TRIM21: variants seen among roughly 807,000 people sequenced by gnomAD.
TRIM21 encodes the protein tripartite motif containing 21.
In TRIM21, 35 loss-of-function variants were observed where a neutral mutation model predicts 36.1. The observed-to-expected ratio is 0.97, with a 90% CI of 0.74 to 1.28. TRIM21 has a LOEUF of 1.28. Ranked by LOEUF, TRIM21 falls within the 50% of genes most tolerant of loss-of-function variation. The pLI, the probability that TRIM21 is intolerant of heterozygous loss-of-function variation, is 0.00. For missense variants in TRIM21, 635 were observed against 570.7 expected, an observed-to-expected ratio of 1.11 and a Z score of -1.15; for synonymous variants, 256 against 211.5, an observed-to-expected ratio of 1.21 and a Z score of -1.83.
chr11:4,387,624 G>T (rs1430518214), intron 4 of TRIM21, among the ~76,000 whole-genome samples: 1 of 152,154 alleles, frequency 6.6e-6, no homozygotes, highest in Non-Finnish European at 1.5e-5. Context: ...GGGAGGCTGA[G>T]GGGGGCAGAT....
At position 4,385,265 on chromosome 11, in the gene TRIM21, G is replaced by T. The variant is rs761097995; in HGVS notation, c.*20C>A. 1 of 1,592,992 alleles carries T rather than the reference G, an allele frequency of 6.3e-7. No homozygotes were observed. The highest frequency in any genetic ancestry group is 1.1e-5 in the South Asian group (1 of 88,074). On this transcript the variant is annotated 3_prime_UTR_variant, in exon 7 of 7. Transcript: ENST00000254436. Reference sequence around the variant, plus strand: ...AGAAGCGGTGCCAATGGGGAGAGTGGCAGTGTCCAGAGAAAGCCATCAATA... The same window carrying T: ...AGAAGCGGTGCCAATGGGGAGAGTGTCAGTGTCCAGAGAAAGCCATCAATA...
At chr11:4,388,727 C>G (rs1470053347) in intron 3 of TRIM21, among the ~76,000 whole-genome samples, 197 bp from the exon 4 acceptor site, 1 of 152,076 alleles carries the variant, frequency 6.6e-6, no homozygotes, top group Non-Finnish European at 1.5e-5. Context: ...GTTGAGGTTT[C>G]TGGGACAGTG....
chr11:4,388,949 T>G (rs186235376), intron 3 of TRIM21, among the ~76,000 whole-genome samples: 148 of 152,172 alleles, frequency 9.7e-4, no homozygotes, highest in African/African-American at 3.2e-3. Flanking sequence ...CGCCACCACC[T>G]CTAAGTCCTG....
intron 3 of TRIM21, among the ~76,000 whole-genome samples, chr11:4,388,996 T>C (rs568998248): frequency 6.6e-6 from 1 of 152,124 alleles, no homozygotes; most frequent in African/African-American, 2.4e-5. Context: ...GCTTTTCCTC[T>C]CCTGTTAGTA....
rs200983906 is a variant in TRIM21 at position 4,389,753 on chromosome 11, C to A, written c.409-4G>T. On this transcript the variant is annotated splice_polypyrimidine_tract_variant and splice_region_variant and intron_variant, in intron 2 of 6. Transcript: ENST00000254436. Reference sequence around the variant, plus strand: ...CTAATGCCACCTGGAGCTTCTCCTGCAGAGAAAGACAGCTTATTCGTCCCC... The same window carrying A: ...CTAATGCCACCTGGAGCTTCTCCTGAAGAGAAAGACAGCTTATTCGTCCCC... 1.2e-6 allele frequency: 2 copies of A among 1,613,336 alleles called. No individual in the cohort carries two copies. The highest frequency in any genetic ancestry group is 1.7e-6 in the Non-Finnish European group (2 of 1,179,420).
chr11:4,392,033 C>G (rs1276365687), intron 1 of TRIM21, among the ~76,000 whole-genome samples: 1 of 151,584 alleles, frequency 6.6e-6, no homozygotes, highest in Non-Finnish European at 1.5e-5. Flanking sequence ...AACAGGGTGA[C>G]TATAGTCAAT....
intron 1 of TRIM21, among the ~76,000 whole-genome samples, chr11:4,391,616 T>C (rs571947012): frequency 1.6e-4 from 24 of 152,282 alleles, no homozygotes; most frequent in Admixed American, 3.9e-4. Context: ...CAAAGAGATA[T>C]CCACACTTCC....
intron 3 of TRIM21, 130 bp from the exon 4 acceptor site, chr11:4,388,660 T>TGCACAC: frequency 1.2e-6 from 1 of 857,648 alleles, no homozygotes; most frequent in South Asian, 1.6e-5. Flanking sequence ...CACACACACA[T>TGCACAC]GCACACGCAC....
Position 4,390,369 on chromosome 11 carries a change from ACCT to A in TRIM21, c.38_40del (p.Glu13del), listed in dbSNP as rs757512216. 1 of 1,612,456 alleles carries A rather than the reference ACCT, an allele frequency of 6.2e-7. No homozygotes were observed. The highest frequency in any genetic ancestry group is 1.1e-5 in the South Asian group (1 of 91,048). On this transcript the variant is annotated inframe_deletion, in exon 2 of 7. Transcript: ENST00000254436. ...GGGGTCCAGGCAGATAGGGCATGTG[ACCT>A]CCTCCCACATCATTGTCAAGCGTGC...
rs201531249 is a variant in TRIM21, at chr11:4,388,335, G to A, written c.700C>T (p.Arg234Ter). ...TCCAGTGCTGAGCTGTGGCACCTTCGATCTAGCTCTGAGATGAGCTCCTGT... is the reference window on the plus strand; with the variant it reads ...TCCAGTGCTGAGCTGTGGCACCTTCAATCTAGCTCTGAGATGAGCTCCTGT... ...ALQELISELD[R>*]RCHSSALELL... Residue 234 changes from arginine (R) to a stop codon, truncating the protein, a stop_gained, in exon 4 of 7, where the codon CGA becomes TGA. Transcript: ENST00000254436. LOFTEE classifies it high-confidence loss of function. The A allele has an allele frequency of 3.7e-6, 6 of 1,613,880 alleles. No homozygotes were observed. The highest frequency in any genetic ancestry group is 1.1e-5 in the South Asian group (1 of 91,082).
At chr11:4,389,402 T>C (rs545971524) in intron 3 of TRIM21, among the ~76,000 whole-genome samples, 4 of 152,334 alleles carry the variant, frequency 2.6e-5, no homozygotes, top group African/African-American at 9.6e-5. Flanking sequence ...CTTTAGGGTA[T>C]AGCTAGATCC....
chr11:4,386,595 C>T (rs1033427858), intron 5 of TRIM21, among the ~76,000 whole-genome samples: 4 of 152,148 alleles, frequency 2.6e-5, no homozygotes, highest in Non-Finnish European at 5.9e-5. Context: ...GAGTCTTGCC[C>T]ACACTGTGGG....
Position 4,385,613 on chromosome 11 carries a change from C to G in TRIM21, c.1100G>C (p.Gly367Ala), listed in dbSNP as rs1158686689. Residue 367 changes from glycine to alanine, a missense_variant, in exon 7 of 7, where the codon GGG becomes GCG. Gly to Ala is a moderately conservative substitution (Grantham distance 60, BLOSUM62 0). Transcript: ENST00000254436. ...ACTCTTGGAACTAAGCAAAAAGTGC[C>G]CCTTCCTGCGCACAGAGTCTCTGCA... is the stretch of plus-strand genomic sequence containing the variant. The part of the protein sequence containing the change: ...GVCRDSVRRK[G>A]HFLLSSKSGF... 1.9e-6 allele frequency: 3 copies of G among 1,612,878 alleles called. No individual in the cohort carries two copies. In the East Asian group the frequency reaches 6.7e-5, roughly 36 times the overall value.
In TRIM21 at chr11:4,388,443, G is replaced by A. The variant is rs772975404; in HGVS notation, c.592C>T (p.Gln198Ter). 1.5e-5 allele frequency: 25 copies of A among 1,613,734 alleles called. No individual in the cohort carries two copies. Among genetic ancestry groups the A allele is most frequent in the Non-Finnish European group, 2.1e-5 (25 of 1,179,898 alleles). Residue 198 changes from glutamine to a stop codon, truncating the protein, a stop_gained, in exon 4 of 7, where the codon CAG (glutamine) becomes TAG (stop). Transcript: ENST00000254436. LOFTEE classifies it high-confidence loss of function. ...TCCCTCTCATCCTTCTCCAGCTCCT[G>A]CAGCTGCCTCTGTTCTTCTTCAACC... is the stretch of plus-strand genomic sequence containing the variant. ...FLVEEEQRQL[Q>*]ELEKDEREQL...
rs370217154 is a variant in TRIM21 at position 4,390,040 on chromosome 11, C to A, written c.370G>T (p.Ala124Ser). 3 of 1,613,988 alleles carry A rather than the reference C, an allele frequency of 1.9e-6. No individual in the cohort carries two copies. The highest frequency in any genetic ancestry group is 1.7e-6 in the Non-Finnish European group (2 of 1,179,888). Residue 124 changes from alanine (A) to serine (S), a missense_variant, in exon 2 of 7, where the codon GCC becomes TCC. By Grantham distance (99) the Ala-to-Ser change is moderately conservative. Transcript: ENST00000254436. ...GCAGCCTCCTCAAGAGGGACCATGGCGTGGTCACGGTGTTTCCGAGACTGG... is the reference window on the plus strand; with the variant it reads ...GCAGCCTCCTCAAGAGGGACCATGGAGTGGTCACGGTGTTTCCGAGACTGG... ...CAQSRKHRDH[A>S]MVPLEEAAQE...
At position 4,385,311 on chromosome 11, in the gene TRIM21, C is replaced by T. The variant is rs2094954822; in HGVS notation, c.1402G>A (p.Gly468Arg). Residue 468 changes from glycine to arginine, a missense_variant, in exon 7 of 7, where the codon GGA becomes AGA. Gly to Arg is a moderately radical substitution (Grantham distance 125). Transcript: ENST00000254436. ...APLTLCPLNI[G>R]SQGSTDY Reference sequence around the variant, plus strand: ...CAATAGTCAGTGGATCCTTGTGATCCAATATTCAGTGGACAGAGGGTTAGA... The same window carrying T: ...CAATAGTCAGTGGATCCTTGTGATCTAATATTCAGTGGACAGAGGGTTAGA... 1 of 1,612,464 alleles carries T rather than the reference C, an allele frequency of 6.2e-7. No individual in the cohort carries two copies. The highest frequency in any genetic ancestry group is 8.5e-7 in the Non-Finnish European group (1 of 1,179,686).
In TRIM21 at chr11:4,387,010, A is replaced by G; in HGVS notation, c.736-20T>C. 6.4e-7 allele frequency: 1 copy of G among 1,571,374 alleles called. No homozygotes were observed. Among genetic ancestry groups the G allele is most frequent in the Non-Finnish European group, 8.6e-7 (1 of 1,157,144 alleles). ...CACCTCCTGAGGAGAAAAGAGACAG[A>G]AAGTAAGTTCTGGATTGCTGGATCG... On this transcript the variant is annotated intron_variant, in intron 4 of 6. Transcript: ENST00000254436.
chr11:4,387,305 GC>G (rs1405317594), intron 4 of TRIM21, among the ~76,000 whole-genome samples: 1 of 151,232 alleles, frequency 6.6e-6, no homozygotes, highest in Non-Finnish European at 1.5e-5. Flanking sequence ...AGGGCACATA[GC>G]CCAGCTTGGC....
intron 6 of TRIM21, 56 bp from the exon 7 acceptor site, chr11:4,385,909 G>T: frequency 6.7e-7 from 1 of 1,488,076 alleles, no homozygotes; most frequent in Non-Finnish European, 9.0e-7. Flanking sequence ...CTAAGTCTGT[G>T]CCTGTGGTGG....
Sources: allele counts gnomAD v4.1 joint callset (sites outside exome capture counted in the v4.1 genomes callset), GRCh38; gene constraint gnomAD v4.1.1; transcripts MANE v1.5; gene names NCBI Gene and HGNC (gene_info 2026-07-23, HGNC 2026-07-21).